PCDHGA8: variants seen among roughly 807,000 people sequenced by gnomAD.
PCDHGA8 encodes protocadherin gamma subfamily A, 8.
In PCDHGA8, 45 loss-of-function variants were observed where a neutral mutation model predicts 59.2. The observed-to-expected ratio is 0.76, with a 90% CI of 0.60 to 0.98. The LOEUF (loss-of-function observed/expected upper bound fraction) is 0.98. Among genes scored for constraint, PCDHGA8 ranks in the 50% least tolerant of loss-of-function variants. PCDHGA8 has a pLI of 0.00. For missense variants in PCDHGA8, 1,257 were observed against 1,196.2 expected, an observed-to-expected ratio of 1.05 and a Z score of -0.75; for synonymous variants, 531 against 519.0, an observed-to-expected ratio of 1.02 and a Z score of -0.32.
chr5:141,395,372 G>A, intron 1 of PCDHGA8, 135 bp downstream of exon 1: 2 of 1,191,834 alleles, frequency 1.7e-6, no homozygotes, highest in Non-Finnish European at 2.3e-6. Flanking sequence ...TTATTTTGGT[G>A]GTGTTACTAT....
Position 141,413,600 on chromosome 5 carries a change from T to A in PCDHGA8, c.2424+18363T>A, listed in dbSNP as rs767830855. ...GCTCCAAAATTCCAAGCAGAAAATC[T>A]AGACGTAAAAATTAATGAAAATGTC... On this transcript the variant is annotated intron_variant, in intron 1 of 3. Transcript: ENST00000398604. 2.4e-5 allele frequency: 39 copies of A among 1,613,750 alleles called. No homozygotes were observed. Among genetic ancestry groups the A allele is most frequent in the Non-Finnish European group, 3.3e-5 (39 of 1,179,908 alleles).
chr5:141,437,693 C>G (rs1305650032), intron 1 of PCDHGA8, among the ~76,000 whole-genome samples: 1 of 151,638 alleles, frequency 6.6e-6, no homozygotes, highest in African/African-American at 2.4e-5. Context: ...GAGGCTAAAT[C>G]TCAAGAAAGA....
intron 1 of PCDHGA8, chr5:141,484,949 A>G: frequency 1.8e-6 from 1 of 557,402 alleles, no homozygotes; most frequent in East Asian, 3.1e-5. Flanking sequence ...TGCTCAGCCT[A>G]TTGGCTGAGC....
At chr5:141,496,581 C>T (rs868326584) in intron 2 of PCDHGA8, among the ~76,000 whole-genome samples, 9 of 152,134 alleles carry the variant, frequency 5.9e-5, no homozygotes, top group African/African-American at 1.9e-4. Flanking sequence ...ATTTTAGGAA[C>T]GCAAAGCGCT....
Position 141,477,554 on chromosome 5 carries a change from A to T in PCDHGA8, c.2425-17253A>T. The T allele has an allele frequency of 6.2e-7, 1 of 1,614,112 alleles. No homozygotes were observed. Among genetic ancestry groups the T allele is most frequent in the South Asian group, 1.1e-5 (1 of 91,086 alleles). Reference sequence around the variant, plus strand: ...CCCCGGGGCTCCAATACTAAACCTAAGTGTCTGGGACCCCGACGCCCCGCA... The same window carrying T: ...CCCCGGGGCTCCAATACTAAACCTATGTGTCTGGGACCCCGACGCCCCGCA... On this transcript the variant is annotated intron_variant, in intron 1 of 3. Transcript: ENST00000398604. This position sits in a 1 kb window ranked among gnomAD's most constrained non-coding sequence, Gnocchi z 4.9.
At chr5:141,422,997 C>A in intron 1 of PCDHGA8, 3 of 1,614,218 alleles carry the variant, frequency 1.9e-6, no homozygotes, top group Non-Finnish European at 2.5e-6. Flanking sequence ...ACCTGGTGAC[C>A]AAGGTGGTTG....
chr5:141,418,945 A>G, intron 1 of PCDHGA8: 3 of 1,614,062 alleles, frequency 1.9e-6, no homozygotes, highest in Non-Finnish European at 2.5e-6. Flanking sequence ...ATTCCCCTCC[A>G]GGAGTGGTTG....
intron 1 of PCDHGA8, chr5:141,398,838 T>C: frequency 6.2e-7 from 1 of 1,613,946 alleles, no homozygotes; most frequent in Non-Finnish European, 8.5e-7. Context: ...ACGCCAATGA[T>C]AATCCCCCGG....
rs776176122 is a variant in PCDHGA8, at chr5:141,408,982, T to C, written c.2424+13745T>C. 124 of 1,613,830 alleles carry C rather than the reference T, an allele frequency of 7.7e-5. 1 individual carries two copies. Among genetic ancestry groups the C allele is most frequent in the Admixed American group, 3.7e-4 (22 of 59,994 alleles). ...GTGAAAATCTGCCCCCTGGGTCCCC[T>C]GTGTTGCAAGTGACAGCCACTGACC... On this transcript the variant is annotated intron_variant, in intron 1 of 3. Transcript: ENST00000398604.
intron 1 of PCDHGA8, among the ~76,000 whole-genome samples, chr5:141,455,594 G>A (rs1263100982): frequency 6.6e-6 from 1 of 152,112 alleles, no homozygotes; most frequent in Non-Finnish European, 1.5e-5. Context: ...ATATGCAAAC[G>A]TAGGGCGCCA....
At chr5:141,456,215 C>T (rs1465130067) in intron 1 of PCDHGA8, among the ~76,000 whole-genome samples, 2 of 152,048 alleles carry the variant, frequency 1.3e-5, no homozygotes, top group African/African-American at 2.4e-5. Flanking sequence ...CTCCCTGTGG[C>T]GATATCAAAC....
In PCDHGA8 at chr5:141,476,401, G is replaced by A. The variant is rs772438777; in HGVS notation, c.2425-18406G>A. The A allele has an allele frequency of 1.9e-6, 3 of 1,614,054 alleles. No individual in the cohort carries two copies. Among genetic ancestry groups the A allele is most frequent in the African/African-American group, 2.7e-5 (2 of 74,926 alleles). On this transcript the variant is annotated intron_variant, in intron 1 of 3. Coordinates refer to ENST00000398604, the MANE Select transcript of PCDHGA8 (RefSeq NM_032088.2). This position sits in a 1 kb window ranked among gnomAD's most constrained non-coding sequence, Gnocchi z 7.6. ...TTGTGAACGACCGTCTGGATCGAGA[G>A]GAGCTGTGTGGGACACTGCCCTCTT...
At chr5:141,450,211 T>TTTCA (rs1038674129) in intron 1 of PCDHGA8, among the ~76,000 whole-genome samples, 23 of 152,166 alleles carry the variant, frequency 1.5e-4, no homozygotes, top group African/African-American at 4.3e-4. Flanking sequence ...AGAGACAAGG[T>TTTCA]TTCACTATGT....
In PCDHGA8 at chr5:141,490,296, G is replaced by T; in HGVS notation, c.2425-4511G>T. The stretch of plus-strand genomic sequence containing the variant: ...ATGACAATGCCCCAGAGGTGCTATT[G>T]GCCTCTTTGGCCAACCCTGTCCTAG... On this transcript the variant is annotated intron_variant, in intron 1 of 3. Coordinates refer to ENST00000398604, the MANE Select transcript of PCDHGA8 (RefSeq NM_032088.2). This position sits in a 1 kb window ranked among gnomAD's most constrained non-coding sequence, Gnocchi z 5.4. 6.2e-7 allele frequency: 1 copy of T among 1,614,184 alleles called. No homozygotes were observed. Among genetic ancestry groups the T allele is most frequent in the South Asian group, 1.1e-5 (1 of 91,084 alleles).
At position 141,486,821 on chromosome 5, in the gene PCDHGA8, A is replaced by T. The variant is rs756652952; in HGVS notation, c.2425-7986A>T. On this transcript the variant is annotated intron_variant, in intron 1 of 3. Transcript: ENST00000398604. The surrounding 1 kb of genome is among the most constrained non-coding windows in gnomAD (Gnocchi z 5.0). ...CAACCCACCCCTTAGCAGCACTGTA[A>T]CAGTTCGTCTATTTGTGCTGGACCT... 36 of 1,614,116 alleles carry T rather than the reference A, an allele frequency of 2.2e-5. No individual in the cohort carries two copies. In the South Asian group the frequency reaches 3.4e-4, roughly 15 times the overall value.
intron 1 of PCDHGA8, chr5:141,418,560 A>G (rs752240769): frequency 1.2e-6 from 2 of 1,614,034 alleles, no homozygotes; most frequent in Non-Finnish European, 1.7e-6. Context: ...CTGGTAATAG[A>G]TGCCAATGAC....
intron 1 of PCDHGA8, among the ~76,000 whole-genome samples, chr5:141,405,811 ACTGT>A (rs56926516): frequency 0.18 from 26,617 of 151,870 alleles, 2,510 homozygotes; most frequent in Admixed American, 0.28. Flanking sequence ...TTTCTCTTTA[ACTGT>A]CTGTACTTAA....
intron 1 of PCDHGA8, chr5:141,427,265 C>A (rs767369457): frequency 6.6e-6 from 3 of 456,572 alleles, no homozygotes; most frequent in Non-Finnish European, 8.8e-6. Context: ...GCATGACCAG[C>A]GAATGTAAAA....
intron 1 of PCDHGA8, chr5:141,402,944 G>C (rs1487270083): frequency 2.5e-6 from 4 of 1,592,136 alleles, no homozygotes; most frequent in African/African-American, 1.3e-5. Context: ...ATTCCAAAGC[G>C]AGGCAGCAAT....
Sources: allele counts gnomAD v4.1 joint callset (sites outside exome capture counted in the v4.1 genomes callset), GRCh38; gene constraint gnomAD v4.1.1; non-coding constraint Gnocchi (gnomAD v3.1); transcripts MANE v1.5; gene names NCBI Gene and HGNC (gene_info 2026-07-23, HGNC 2026-07-21).